PELP1: variants seen among roughly 807,000 people sequenced by gnomAD.
The protein encoded by PELP1 is proline, glutamate and leucine rich protein 1.
PELP1 carries 32 observed loss-of-function variants against 95.5 expected under a neutral mutation model. The observed-to-expected ratio is 0.34, with a 90% CI of 0.25 to 0.45. PELP1 has a LOEUF of 0.45. PELP1 is among the 20% of genes least tolerant of loss of function. PELP1 has a pLI of 1.00. For missense variants in PELP1, 1,358 were observed against 1,444.8 expected, an observed-to-expected ratio of 0.94 and a Z score of 0.97; for synonymous variants, 668 against 600.1, an observed-to-expected ratio of 1.11 and a Z score of -1.65.
intron 1 of PELP1, among the ~76,000 whole-genome samples, chr17:4,699,897 A>ATTTTTTTTTTTT (rs34806511): frequency 2.3e-5 from 2 of 86,740 alleles, no homozygotes; most frequent in Non-Finnish European, 4.1e-5. Flanking sequence ...CTAGAGGGTG[A>ATTTTTTTTTTTT]TTTTTTTTTT....
intron 1 of PELP1, among the ~76,000 whole-genome samples, chr17:4,695,666 T>TAAA (rs1913269196): frequency 2.3e-5 from 1 of 42,776 alleles, no homozygotes; most frequent in African/African-American, 7.4e-5. Context: ...ACCCTCTCTC[T>TAAA]TAAAAAAAAA....
chr17:4,694,895 TGAGA>T (rs1231713585), intron 1 of PELP1, among the ~76,000 whole-genome samples: 9 of 147,920 alleles, frequency 6.1e-5, no homozygotes, highest in Non-Finnish European at 1.3e-4. Flanking sequence ...CGCTTGAACC[TGAGA>T]GAATCGCTTG....
At chr17:4,698,086 C>T (rs924440122) in intron 1 of PELP1, among the ~76,000 whole-genome samples, 1 of 145,548 alleles carries the variant, frequency 6.9e-6, no homozygotes, top group Admixed American at 7.1e-5. Context: ...ACTCAGTGAT[C>T]CTCCCACTTC....
intron 1 of PELP1, among the ~76,000 whole-genome samples, chr17:4,692,900 C>T (rs1225984504): frequency 1.3e-5 from 2 of 152,062 alleles, no homozygotes; most frequent in Admixed American, 6.6e-5. Context: ...ATCCCAGCTA[C>T]TCGGGAGGCT....
At position 4,674,631 on chromosome 17, in the gene PELP1, C is replaced by G. The variant is rs753666465; in HGVS notation, c.1461G>C (p.Gln487His). ...SPRGSPDGSLQTGKPSAPKKL... is the reference protein window; with the variant it reads ...SPRGSPDGSLHTGKPSAPKKL... ...TCTTGGGGGCGCTAGGCTTCCCAGT[C>G]TGCAAACTCCCATCAGGGCTCCCCC... is the stretch of plus-strand genomic sequence containing the variant. Residue 487 changes from glutamine to histidine, a missense_variant, in exon 13 of 17, where the codon CAG (glutamine) becomes CAC (histidine). Physicochemically the swap from Gln to His is conservative, Grantham distance 24. Transcript: ENST00000572293. 13 of 1,603,444 alleles carry G rather than the reference C, an allele frequency of 8.1e-6. No homozygotes were observed. Among genetic ancestry groups the G allele is most frequent in the Non-Finnish European group, 1.0e-5 (12 of 1,177,102 alleles).
chr17:4,700,979 A>G (rs1399839749), intron 1 of PELP1, among the ~76,000 whole-genome samples: 3 of 140,948 alleles, frequency 2.1e-5, no homozygotes, highest in Non-Finnish European at 3.1e-5. Flanking sequence ...AGAAAGAAAA[A>G]GCAAAGTTCC....
intron 5 of PELP1, among the ~76,000 whole-genome samples, chr17:4,677,284 A>G (rs28649455): frequency 0.08 from 12,255 of 152,272 alleles, 659 homozygotes; most frequent in African/African-American, 0.15. Flanking sequence ...CGGAGTAGCA[A>G]TCTGTCATTC....
At chr17:4,691,553 C>A in intron 1 of PELP1, 111 bp from the exon 2 acceptor site, 1 of 767,248 alleles carries the variant, frequency 1.3e-6, no homozygotes, top group Non-Finnish European at 2.2e-6. Flanking sequence ...GAAGTCACAT[C>A]TCCTCTGAGG....
In PELP1 at chr17:4,671,893, G is replaced by A. The variant is rs1912218184; in HGVS notation, c.3098C>T (p.Ser1033Phe). The A allele has an allele frequency of 6.6e-7, 1 of 1,513,918 alleles. No individual in the cohort carries two copies. Among genetic ancestry groups the A allele is most frequent in the Non-Finnish European group, 8.8e-7 (1 of 1,134,840 alleles). 93.8% of individuals were successfully genotyped at this position (1,513,918 alleles called of 1,614,324 possible). The change falls in exon 16 of 17, where the codon TCC becomes TTC. Residue 1033 changes from serine to phenylalanine, a missense_variant. Ser to Phe is a radical substitution (Grantham distance 155). This residue lies in a region of PELP1 where 283 missense variants were observed against 284.1 expected (regional missense o/e 1.00). Coordinates refer to ENST00000572293, the MANE Select transcript of PELP1 (RefSeq NM_014389.3). ...APTLAPEALP[S>F]QGEVEREGES... ...CCCTTCCCTCTCCACCTCTCCCTGG[G>A]AGGGGAGCGCTTCAGGGGCCAGGGT...
intron 5 of PELP1, among the ~76,000 whole-genome samples, chr17:4,677,253 C>G (rs1912519594): frequency 6.6e-6 from 1 of 152,132 alleles, no homozygotes; most frequent in South Asian, 2.1e-4. Context: ...GCTGCTAGAG[C>G]AGAAGTAAGG....
intron 12 of PELP1, 61 bp downstream of exon 12, chr17:4,674,748 G>A (rs1215784315): frequency 6.3e-7 from 1 of 1,586,608 alleles, no homozygotes; most frequent in Non-Finnish European, 8.6e-7. Flanking sequence ...TGTTTCCTGA[G>A]CAGGCACACT....
chr17:4,675,674 A>C lies in PELP1; in HGVS notation c.1068+123T>G. ...TAGGAAGTGATGTTATTTGGACAAA[A>C]GTAGGAAGCTCTCTGGGACGACTCC... On this transcript the variant is annotated intron_variant, in intron 9 of 16. Coordinates refer to ENST00000572293, the MANE Select transcript of PELP1 (RefSeq NM_014389.3). This position sits in a 1 kb window ranked among gnomAD's most constrained non-coding sequence, Gnocchi z 4.3. The C allele has an allele frequency of 2.6e-6, 2 of 757,140 alleles. No homozygotes were observed. Among genetic ancestry groups the C allele is most frequent in the Non-Finnish European group, 4.7e-6 (2 of 421,606 alleles). 46.9% of individuals were successfully genotyped at this position (757,140 alleles called of 1,614,324 possible).
Position 4,675,356 on chromosome 17 carries a change from G to A in PELP1, c.1075C>T (p.His359Tyr). ...LSVSSKNISL[H>Y]GDGPLRLLLL... ...AGCAGCCGCAGGGGACCATCTCCAT[G>A]CAAGCTCTGGAGAAAAAAGGGGCAG... Residue 359 changes from histidine (H) to tyrosine (Y), a missense_variant, in exon 10 of 17, where the codon CAT becomes TAT. Coordinates refer to ENST00000572293, the MANE Select transcript of PELP1 (RefSeq NM_014389.3). The surrounding 1 kb of genome is among the most constrained non-coding windows in gnomAD (Gnocchi z 4.3). The A allele has an allele frequency of 2.0e-6, 3 of 1,526,904 alleles. No homozygotes were observed. Among genetic ancestry groups the A allele is most frequent in the Non-Finnish European group, 2.7e-6 (3 of 1,124,548 alleles). The allele number at this position is 1,526,904 out of a possible 1,614,324, so 94.6% of individuals were successfully genotyped here.
Position 4,672,946 on chromosome 17 carries a change from G to A in PELP1, c.2045C>T (p.Pro682Leu), listed in dbSNP as rs958032388. 3.1e-6 allele frequency: 5 copies of A among 1,607,070 alleles called. No homozygotes were observed. The highest frequency in any genetic ancestry group is 4.3e-6 in the Non-Finnish European group (5 of 1,176,210). The change falls in exon 16 of 17, where the codon CCC becomes CTC. Residue 682 changes from proline (P) to leucine (L), a missense_variant. Physicochemically the swap from Pro to Leu is moderately conservative, Grantham distance 98. Coordinates refer to ENST00000572293, the MANE Select transcript of PELP1 (RefSeq NM_014389.3). ...PSVGSMPSAG[P>L]MPSAGPMPSA... ...GGGCATGGGGCCTGCTGAAGGCATG[G>A]GGCCTGCTGAGGGCATGGAGCCCAC...
In PELP1 at chr17:4,675,910, C is replaced by T. The variant is rs1295803829; in HGVS notation, c.981-26G>A. ...CTAAAGAGAATCAGAGCAGGGAGAC[C>T]TTCAGAGCAGGCTCCCTGGCATAAC... is the stretch of plus-strand genomic sequence containing the variant. On this transcript the variant is annotated intron_variant, in intron 8 of 16. Coordinates refer to ENST00000572293, the MANE Select transcript of PELP1 (RefSeq NM_014389.3). The surrounding 1 kb of genome is among the most constrained non-coding windows in gnomAD (Gnocchi z 4.3). 5 of 1,579,296 alleles carry T rather than the reference C, an allele frequency of 3.2e-6. No homozygotes were observed. Among genetic ancestry groups the T allele is most frequent in the East Asian group, 2.3e-5 (1 of 43,500 alleles).
chr17:4,690,023 C>CGA (rs1229585015), intron 3 of PELP1, among the ~76,000 whole-genome samples: 1 of 151,482 alleles, frequency 6.6e-6, no homozygotes, highest in East Asian at 1.9e-4. Flanking sequence ...AAAACTCTGT[C>CGA]GAGAGAGAGA....
chr17:4,682,824 G>C lies in PELP1; in HGVS notation c.549C>G (p.Ser183=). ...TCACCTCTGGCCTGAGGCCCAGCAG[G>C]GAGGTGAGAAGGCCAGGGAGGTGGT... ...SMNHLPGLLT[S]LLGLRPECEQ... The change falls in exon 4 of 17, where the codon TCC becomes TCG. Residue 183 remains serine, a synonymous_variant. Coordinates refer to ENST00000572293, the MANE Select transcript of PELP1 (RefSeq NM_014389.3). 6.3e-7 allele frequency: 1 copy of C among 1,592,606 alleles called. No homozygotes were observed. Among genetic ancestry groups the C allele is most frequent in the Non-Finnish European group, 8.5e-7 (1 of 1,171,124 alleles).
Position 4,672,108 on chromosome 17 carries a change from T to C in PELP1, c.2883A>G (p.Glu961=). 1 of 1,553,496 alleles carries C rather than the reference T, an allele frequency of 6.4e-7. No homozygotes were observed. Among genetic ancestry groups the C allele is most frequent in the Non-Finnish European group, 8.7e-7 (1 of 1,147,928 alleles). Residue 961 remains glutamate (E), a synonymous_variant, in exon 16 of 17, where the codon GAA becomes GAG. Transcript: ENST00000572293. ...CTCCTGCTGTGCCAAACTCCAGGTC[T>C]TCCACCTCTTCCAGTTCTTCTTCCT... ...EEEEEELEEV[E]DLEFGTAGGE...
intron 5 of PELP1, 62 bp downstream of exon 5, chr17:4,682,440 G>T: frequency 9.4e-7 from 1 of 1,067,296 alleles, no homozygotes; most frequent in Non-Finnish European, 1.5e-6. Flanking sequence ...CTCAGGACAG[G>T]AATCTGAGGT....
Sources: gnomAD v4.1 joint callset for allele counts (sites outside exome capture counted in the v4.1 genomes callset) on GRCh38, gnomAD v4.1.1 for gene constraint, gnomAD v4.1.1 regional missense constraint, Gnocchi (gnomAD v3.1) non-coding constraint, MANE v1.5 for transcripts, NCBI Gene and HGNC (gene_info 2026-07-23, HGNC 2026-07-21) for gene names.